KLRF2: variants seen among roughly 807,000 people sequenced by gnomAD.
The protein encoded by KLRF2 is killer cell lectin-like receptor subfamily F member 2.
KLRF2 carries 28 observed loss-of-function variants against 25.3 expected under a neutral mutation model. The observed-to-expected ratio is 1.11, with a 90% CI of 0.82 to 1.52. The LOEUF (loss-of-function observed/expected upper bound fraction) is 1.52. KLRF2 is among the 40% of genes most tolerant of loss of function. KLRF2 has a pLI of 0.00. For missense variants in KLRF2, 265 were observed against 245.8 expected, an observed-to-expected ratio of 1.08 and a Z score of -0.52; for synonymous variants, 73 against 85.0, an observed-to-expected ratio of 0.86 and a Z score of 0.78.
intron 3 of KLRF2, among the ~76,000 whole-genome samples, chr12:9,889,885 A>G (rs1348530292): frequency 1.3e-5 from 2 of 152,098 alleles, no homozygotes; most frequent in East Asian, 3.9e-4. Flanking sequence ...ATGTACCTCA[A>G]TTTCTTCATC....
At chr12:9,892,864 G>A (rs1193643685) in intron 3 of KLRF2, among the ~76,000 whole-genome samples, 156 bp from the exon 4 acceptor site, 1 of 150,160 alleles carries the variant, frequency 6.7e-6, no homozygotes, top group Non-Finnish European at 1.5e-5. Flanking sequence ...GATTACAGGC[G>A]TGAGCCACCG....
chr12:9,888,670 A>G (rs1862635975), intron 2 of KLRF2, 63 bp from the exon 3 acceptor site: 1 of 932,926 alleles, frequency 1.1e-6, no homozygotes, highest in African/African-American at 1.6e-5. Context: ...CTTTATTCTC[A>G]TGTACCTAGA....
Position 9,887,263 on chromosome 12 carries a change from C to T in KLRF2, c.170-1470C>T, listed in dbSNP as rs1463609232. ...GAACAGAATACAAAAACAGATAATA[C>T]ATAGAAAGAGATGATAGATTAGATA... On this transcript the variant is annotated intron_variant, in intron 2 of 5. Coordinates refer to ENST00000535540, the MANE Select transcript of KLRF2 (RefSeq NM_001190765.1). 3.9e-5 allele frequency among the ~76,000 whole-genome samples: 6 copies of T among 152,002 alleles called. No homozygotes were observed. The East Asian group carries it at 1.2e-3, about 29-fold the overall frequency.
At chr12:9,888,842 C>T (rs933641904) in intron 3 of KLRF2, 62 bp downstream of exon 3, 28 of 996,390 alleles carry the variant, frequency 2.8e-5, no homozygotes, top group Non-Finnish European at 4.1e-5. Flanking sequence ...TGGCTTCCCT[C>T]TTCCTGGCGT....
At chr12:9,888,286 C>G (rs1406231586) in intron 2 of KLRF2, among the ~76,000 whole-genome samples, 2 of 151,538 alleles carry the variant, frequency 1.3e-5, no homozygotes, top group African/African-American at 4.8e-5. Context: ...GTCAGGAGAT[C>G]GAGACCATCC....
At chr12:9,888,818 G>A (rs778831038) in intron 3 of KLRF2, 38 bp downstream of exon 3, 4 of 1,313,378 alleles carry the variant, frequency 3.0e-6, no homozygotes, top group South Asian at 2.6e-5. Flanking sequence ...TACTCTTAGG[G>A]GTAAATTTAG....
At chr12:9,895,205 T>C (rs1348917023) in intron 5 of KLRF2, among the ~76,000 whole-genome samples, 1 of 152,220 alleles carries the variant, frequency 6.6e-6, no homozygotes, top group East Asian at 1.9e-4. Context: ...CACTATGTAG[T>C]TTCTATTGAA....
rs1390408956 is a variant in KLRF2 at position 9,884,938 on chromosome 12, C to T, written c.75C>T (p.Phe25=). 4.4e-6 allele frequency: 5 copies of T among 1,143,560 alleles called. No individual in the cohort carries two copies. The African/African-American group carries it at 6.4e-5, about 15-fold the overall frequency. The allele number at this position is 1,143,560 out of a possible 1,614,324, so 70.8% of individuals were successfully genotyped here. A position where few individuals can be genotyped will look rare whatever the true frequency, so the allele number is the denominator to read the frequency against. ...RCKSKQKSKD[F]SLYPQYYCLL... ...TTCTAAAATTCAACATTTCAGATTTCTCCCTATATCCACAATATTATTGTC... is the reference window on the plus strand; with the variant it reads ...TTCTAAAATTCAACATTTCAGATTTTTCCCTATATCCACAATATTATTGTC... Residue 25 remains phenylalanine, a synonymous_variant, in exon 2 of 6, where the codon TTC becomes TTT. Transcript: ENST00000535540.
chr12:9,883,437 G>T (rs1471679301), intron 1 of KLRF2, among the ~76,000 whole-genome samples: 1 of 152,178 alleles, frequency 6.6e-6, no homozygotes, highest in African/African-American at 2.4e-5. Flanking sequence ...CTGTTCACCT[G>T]GCTTGATATA....
intron 1 of KLRF2, among the ~76,000 whole-genome samples, chr12:9,882,538 G>A (rs990142931): frequency 1.3e-5 from 2 of 152,164 alleles, no homozygotes; most frequent in African/African-American, 4.8e-5. Context: ...AGCACTTTGG[G>A]ATGCAGAGGT....
chr12:9,895,621 A>G (rs1862747628), intron 5 of KLRF2, 68 bp from the exon 6 acceptor site: 2 of 1,403,520 alleles, frequency 1.4e-6, no homozygotes, highest in East Asian at 2.7e-5. Context: ...GTTTGGCTGG[A>G]GAAAACTTTA....
chr12:9,887,500 A>AT (rs1862612404), intron 2 of KLRF2, among the ~76,000 whole-genome samples: 1 of 152,124 alleles, frequency 6.6e-6, no homozygotes. Flanking sequence ...TCAAGTAAAT[A>AT]TTTTTTCCAT....
In KLRF2 at chr12:9,881,816, G is replaced by A. The variant is rs188320589; in HGVS notation, c.70+151G>A. Among the ~76,000 whole-genome samples, 313 of 152,202 alleles carry A rather than the reference G, an allele frequency of 2.1e-3. 3 individuals are homozygous for A. The highest frequency in any genetic ancestry group is 7.2e-3 in the African/African-American group (301 of 41,544). On this transcript the variant is annotated intron_variant, in intron 1 of 5. Transcript: ENST00000535540. ...TGTCTGTTAGATTATTTAGATTCATGAAAGCATCAACAATAAAAAGTCTGC... is the reference window on the plus strand; with the variant it reads ...TGTCTGTTAGATTATTTAGATTCATAAAAGCATCAACAATAAAAAGTCTGC...
chr12:9,893,264 T>C (rs1436119401), intron 4 of KLRF2, 96 bp downstream of exon 4: 2 of 1,176,816 alleles, frequency 1.7e-6, no homozygotes, highest in Non-Finnish European at 2.3e-6. Context: ...TGTCGTTGCT[T>C]CTGAACATGT....
intron 3 of KLRF2, 134 bp downstream of exon 3, chr12:9,888,914 C>T: frequency 2.0e-6 from 1 of 506,578 alleles, no homozygotes; most frequent in Non-Finnish European, 3.6e-6. Flanking sequence ...CTGAAAAGGA[C>T]ATCCTCTTCC....
rs75483175 is a variant in KLRF2, at chr12:9,893,258, G to T, written c.366+90G>T. 4.6e-3 allele frequency: 5,784 copies of T among 1,250,186 alleles called. 192 individuals carry two copies. In the African/African-American group the frequency reaches 0.075, roughly 16 times the overall value. The allele number at this position is 1,250,186 out of a possible 1,614,324, so 77.4% of individuals were successfully genotyped here. The stretch of plus-strand genomic sequence containing the variant: ...TAAGAAGCTTGGGAGGTTTATTGTC[G>T]TTGCTTCTGAACATGTGTTAGCCAC... On this transcript the variant is annotated intron_variant, in intron 4 of 5. Coordinates refer to ENST00000535540, the MANE Select transcript of KLRF2 (RefSeq NM_001190765.1).
chr12:9,883,500 T>C (rs1418059111), intron 1 of KLRF2, among the ~76,000 whole-genome samples: 5 of 152,182 alleles, frequency 3.3e-5, no homozygotes, highest in Non-Finnish European at 5.9e-5. Flanking sequence ...TATTGTTCAG[T>C]TTTTTATAAA....
At chr12:9,886,040 T>C (rs1405999276) in intron 2 of KLRF2, among the ~76,000 whole-genome samples, 1 of 152,070 alleles carries the variant, frequency 6.6e-6, no homozygotes. Context: ...AGTTTTCTCT[T>C]CAAATAAAAT....
intron 4 of KLRF2, 52 bp downstream of exon 4, chr12:9,893,220 C>A (rs1862707775): frequency 6.8e-7 from 1 of 1,473,946 alleles, no homozygotes; most frequent in East Asian, 2.5e-5. Flanking sequence ...GGCTTAGGTG[C>A]AAGTTCACTG....
Sources: allele counts gnomAD v4.1 joint callset (sites outside exome capture counted in the v4.1 genomes callset), GRCh38; gene constraint gnomAD v4.1.1; transcripts MANE v1.5; gene names NCBI Gene and HGNC (gene_info 2026-07-23, HGNC 2026-07-21).